SVIL: variants seen among roughly 807,000 people sequenced by gnomAD.
SVIL encodes the protein archvillin.
A neutral mutation model predicts 240.4 loss-of-function variants in SVIL; 101 were observed. That is an observed-to-expected ratio of 0.42 (90% confidence interval 0.36 to 0.50). SVIL has a LOEUF of 0.50. SVIL is among the 20% of genes least tolerant of loss of function. The pLI is 0.01. For synonymous variants in SVIL, 999 were observed against 1,100.0 expected (o/e 0.91, Z 1.82); for missense variants, 2,512 against 2,818.7 (o/e 0.89, Z 2.46).
At chr10:29,488,507 C>T (rs531358857) in intron 23 of SVIL, 94 bp downstream of exon 23, 131 of 1,362,558 alleles carry the variant, frequency 9.6e-5, no homozygotes, top group Admixed American at 4.3e-4. Flanking sequence ...GTTCCTTTCC[C>T]GGCACAGGCA....
At chr10:29,605,875 A>G (rs917212973) in intron 1 of SVIL, among the ~76,000 whole-genome samples, 1 of 151,908 alleles carries the variant, frequency 6.6e-6, no homozygotes, top group Non-Finnish European at 1.5e-5. Flanking sequence ...ACAGCTATGA[A>G]GAAATTCTCC....
intron 12 of SVIL, among the ~76,000 whole-genome samples, chr10:29,529,175 C>CAAAAAAAAAAAAAAAAAAAAA (rs66523560): frequency 1.5e-5 from 1 of 66,070 alleles, no homozygotes; most frequent in Non-Finnish European, 2.8e-5. Context: ...GACTCTCTCT[C>CAAAAAAAAAAAAAAAAAAAAA]AAAAAAAAAA....
intron 1 of SVIL, among the ~76,000 whole-genome samples, chr10:29,592,918 CA>C (rs760062715): frequency 5.9e-5 from 9 of 152,276 alleles, no homozygotes; most frequent in Non-Finnish European, 1.3e-4. Flanking sequence ...GGTTGAATTT[CA>C]ACTCACTTTC....
chr10:29,468,074 A>T (rs970004463), intron 32 of SVIL, among the ~76,000 whole-genome samples, 199 bp from the exon 33 acceptor site: 7 of 152,236 alleles, frequency 4.6e-5, no homozygotes, highest in African/African-American at 1.7e-4. Context: ...ATTTCAGAAC[A>T]TTTTCATCTC....
intron 3 of SVIL, among the ~76,000 whole-genome samples, chr10:29,557,390 G>A (rs548806044): frequency 1.8e-4 from 28 of 152,020 alleles, no homozygotes; most frequent in Middle Eastern, 3.2e-3. Flanking sequence ...GAGCCACCGC[G>A]CCTGGCCTAA....
At chr10:29,717,178 A>C (rs1385412601) in intron 1 of SVIL, among the ~76,000 whole-genome samples, 1 of 130,610 alleles carries the variant, frequency 7.7e-6, no homozygotes, top group Non-Finnish European at 1.6e-5. Context: ...GCTTGCAGTG[A>C]GCCGAGATCA....
chr10:29,673,660 A>G (rs1339206248), intron 2 of SVIL, among the ~76,000 whole-genome samples: 1 of 151,654 alleles, frequency 6.6e-6, no homozygotes, highest in Non-Finnish European at 1.5e-5. Context: ...AGAACTCACT[A>G]TCGCGAGAAC....
At chr10:29,595,358 C>A (rs1956543578) in intron 1 of SVIL, among the ~76,000 whole-genome samples, 1 of 152,096 alleles carries the variant, frequency 6.6e-6, no homozygotes, top group African/African-American at 2.4e-5. Flanking sequence ...CACCCGGCAC[C>A]CTCAGAGCAG....
Position 29,550,854 on chromosome 10 carries a change from A to T in SVIL, c.570T>A (p.Gly190=). The stretch of plus-strand genomic sequence containing the variant: ...GCACCTCCGGGTCGGAAGAGCCGTC[A>T]CCCACATGGAGGGCATAGTCCTTGG... ...GESKDYALHV[G]DGSSDPEVLL... The change falls in exon 6 of 38, where the codon GGT becomes GGA. Residue 190 remains glycine, a synonymous_variant. Coordinates refer to ENST00000355867, the MANE Select transcript of SVIL (RefSeq NM_021738.3). 6.2e-7 allele frequency: 1 copy of T among 1,613,990 alleles called. No individual in the cohort carries two copies. Among genetic ancestry groups the T allele is most frequent in the Non-Finnish European group, 8.5e-7 (1 of 1,179,996 alleles).
At chr10:29,492,712 A>G (rs1001349115) in intron 21 of SVIL, among the ~76,000 whole-genome samples, 1 of 152,212 alleles carries the variant, frequency 6.6e-6, no homozygotes, top group Admixed American at 6.5e-5. Context: ...TTAGACATCA[A>G]TGAGAAAGCC....
chr10:29,509,330 G>A (rs575132573), intron 17 of SVIL, among the ~76,000 whole-genome samples: 2,380 of 66,664 alleles, frequency 0.036, 78 homozygotes, highest in South Asian at 0.067. Flanking sequence ...GGAGGGGGAG[G>A]GAGAGAGAGA....
chr10:29,480,913 A>G lies in SVIL; in HGVS notation c.5101-100T>C, dbSNP rs1290786015. ...CAGCTGTTCATGGGACAGCATAAAA[A>G]TACAGCTTCCACACTCTGTCTCAGG... On this transcript the variant is annotated intron_variant, in intron 28 of 37. Transcript: ENST00000355867. 4.4e-6 allele frequency: 6 copies of G among 1,355,956 alleles called. No homozygotes were observed. The East Asian group carries it at 1.4e-4, about 31-fold the overall frequency. 84.0% of individuals were successfully genotyped at this position (1,355,956 alleles called of 1,614,324 possible).
At chr10:29,565,378 T>C (rs1486485351) in intron 2 of SVIL, among the ~76,000 whole-genome samples, 1 of 152,208 alleles carries the variant, frequency 6.6e-6, no homozygotes, top group African/African-American at 2.4e-5. Flanking sequence ...CCATGTGAAG[T>C]GCAGCCTTTT....
rs1187861054 is a variant in SVIL at position 29,725,028 on chromosome 10, C to CAAAAAAAAAAAAAA, written c.-400+10709_-400+10722dup. Among the ~76,000 whole-genome samples the CAAAAAAAAAAAAAA allele has an allele frequency of 3.9e-4, 16 of 40,942 alleles. 1 individual carries two copies. In the East Asian group the frequency reaches 4.0e-3, roughly 10 times the overall value. The allele number at this position is 40,942 out of a possible 152,430, so 26.9% of individuals were successfully genotyped here. A position where few individuals can be genotyped will look rare whatever the true frequency, so the allele number is the denominator to read the frequency against. On this transcript the variant is annotated intron_variant, in intron 1 of 35. Transcript: ENST00000375400. ...TGGGCTACAGAGTGAGACCCGGTCT[C>CAAAAAAAAAAAAAA]AAAAAAAAAAAAAAAAAAAAAAAAA...
Position 29,621,745 on chromosome 10 carries a change from C to T in SVIL, c.-201+12675G>A, listed in dbSNP as rs539666057. ...TAATACACCCTCTGGCCCTGCATTT[C>T]CTACATAGCCCAAGAGTTCTCATCC... On this transcript the variant is annotated intron_variant, in intron 1 of 37. Transcript: ENST00000355867. 1.1e-3 allele frequency among the ~76,000 whole-genome samples: 170 copies of T among 152,310 alleles called. 1 individual carries two copies. The highest frequency in any genetic ancestry group is 4.0e-3 in the African/African-American group (167 of 41,556).
chr10:29,531,423 T>A, intron 9 of SVIL, 135 bp from the exon 10 acceptor site: 1 of 868,222 alleles, frequency 1.2e-6, no homozygotes, highest in Non-Finnish European at 1.8e-6. Flanking sequence ...GTAGCAATTC[T>A]AGTTGTGAAA....
At chr10:29,563,348 A>C in intron 2 of SVIL, 56 bp from the exon 3 acceptor site, 1 of 818,736 alleles carries the variant, frequency 1.2e-6, no homozygotes, top group East Asian at 1.2e-4. Flanking sequence ...TATATAAGTG[A>C]AAAAATGCAG....
chr10:29,527,117 A>C lies in SVIL; in HGVS notation c.2247-61T>G. ...AGGAGAGAGAAGAAAAGAAGCATTA[A>C]GGACAGCATAGTTTTAAATTCAGAA... On this transcript the variant is annotated intron_variant, in intron 12 of 37. Transcript: ENST00000355867. 5.0e-6 allele frequency: 7 copies of C among 1,410,484 alleles called. No individual in the cohort carries two copies. In the South Asian group the frequency reaches 8.6e-5, roughly 17 times the overall value. The allele number at this position is 1,410,484 out of a possible 1,614,324, so 87.4% of individuals were successfully genotyped here.
intron 21 of SVIL, among the ~76,000 whole-genome samples, chr10:29,492,982 C>T (rs1331700774): frequency 3.3e-5 from 5 of 152,124 alleles, no homozygotes; most frequent in Non-Finnish European, 5.9e-5. Context: ...CTGTGGCCCA[C>T]GCGGTCTGCC....
Sources: allele counts gnomAD v4.1 joint callset (sites outside exome capture counted in the v4.1 genomes callset), GRCh38; gene constraint gnomAD v4.1.1; transcripts MANE v1.5; gene names NCBI Gene and HGNC (gene_info 2026-07-23, HGNC 2026-07-21).